Variants in LYPLAL1 observed in about 807,000 individuals in gnomAD.
LYPLAL1 encodes the protein lysophospholipase like 1, also known as lysophospholipase-like protein 1.
LYPLAL1 carries 23 observed loss-of-function variants against 19.7 expected under a neutral mutation model. The ratio of observed to expected loss-of-function variants is 1.17; its 90% CI spans 0.84 to 1.65. The LOEUF is 1.65. Ranked by LOEUF, LYPLAL1 falls within the 40% of genes most tolerant of loss-of-function variation. The pLI is 0.00. For synonymous variants in LYPLAL1, 119 were observed against 96.3 expected (o/e 1.24, Z -1.38); for missense variants, 355 against 279.4 (o/e 1.27, Z -1.93).
At position 219,210,299 on chromosome 1, in the gene LYPLAL1, T is replaced by A. The variant is rs150022861; in HGVS notation, c.362-233T>A. The A allele has an allele frequency of 1.5e-4, 39 of 264,138 alleles. 1 individual carries two copies. Among genetic ancestry groups the A allele is most frequent in the Middle Eastern group, 1.1e-3 (1 of 904 alleles). The allele number at this position is 264,138 out of a possible 1,614,324, so 16.4% of individuals were successfully genotyped here. A position where few individuals can be genotyped will look rare whatever the true frequency, so the allele number is the denominator to read the frequency against. On this transcript the variant is annotated intron_variant, in intron 3 of 4. Transcript: ENST00000366928. ...TACTTGGTGAACATGATATATTTGT[T>A]TAATCCTGGCTCCTTGTAGAGCACA...
At chr1:219,387,616 G>A in the LYPLAL1 span, among the ~76,000 whole-genome samples, 2 of 152,180 alleles carry the variant, frequency 1.3e-5, no homozygotes, top group East Asian at 3.9e-4. Flanking sequence ...TAACTCTCCT[G>A]AGGTCAAATT....
the LYPLAL1 span, among the ~76,000 whole-genome samples, chr1:219,235,458 GGAA>G: frequency 2.0e-5 from 3 of 152,140 alleles, no homozygotes; most frequent in African/African-American, 7.2e-5. Context: ...GGATCAATGT[GGAA>G]GAATAGGCTG....
the LYPLAL1 span, among the ~76,000 whole-genome samples, chr1:219,394,116 A>T: frequency 6.6e-6 from 1 of 152,146 alleles, no homozygotes; most frequent in East Asian, 1.9e-4. Flanking sequence ...TACTAGATAT[A>T]AGATAAGCAA....
the LYPLAL1 span, among the ~76,000 whole-genome samples, chr1:219,407,103 C>T: frequency 6.6e-6 from 1 of 152,172 alleles, no homozygotes; most frequent in Admixed American, 6.5e-5. Context: ...TGTCTGTTCC[C>T]TTTCATCAGC....
At chr1:219,197,631 A>G (rs909220901) in intron 3 of LYPLAL1, among the ~76,000 whole-genome samples, 2 of 152,194 alleles carry the variant, frequency 1.3e-5, no homozygotes, top group Admixed American at 6.5e-5. Context: ...GACAGATGGT[A>G]TCTAATAAAC....
chr1:219,416,287 T>C, the LYPLAL1 span, among the ~76,000 whole-genome samples: 7 of 152,222 alleles, frequency 4.6e-5, no homozygotes, highest in Non-Finnish European at 7.3e-5. Flanking sequence ...TTCTCAGACC[T>C]TCCTTGTTTC....
At chr1:219,384,951 T>C in the LYPLAL1 span, among the ~76,000 whole-genome samples, 1 of 152,178 alleles carries the variant, frequency 6.6e-6, no homozygotes, top group South Asian at 2.1e-4. Flanking sequence ...CCACATACTT[T>C]TGGTTGTACA....
chr1:219,244,976 C>T, the LYPLAL1 span, among the ~76,000 whole-genome samples: 1 of 148,834 alleles, frequency 6.7e-6, no homozygotes, highest in African/African-American at 2.5e-5. Flanking sequence ...TTCCTTCCTT[C>T]TTTCCTTTTT....
At chr1:219,392,155 C>T in the LYPLAL1 span, among the ~76,000 whole-genome samples, 5 of 152,236 alleles carry the variant, frequency 3.3e-5, no homozygotes, top group East Asian at 9.7e-4. Context: ...TGAGTAGGTT[C>T]CTCTCAGGTC....
At chr1:219,370,058 T>G in the LYPLAL1 span, among the ~76,000 whole-genome samples, 1 of 152,202 alleles carries the variant, frequency 6.6e-6, no homozygotes, top group East Asian at 1.9e-4. Flanking sequence ...TGAGCCACAC[T>G]CAGAGGGGCA....
At chr1:219,178,570 T>G (rs1360578696) in intron 1 of LYPLAL1, among the ~76,000 whole-genome samples, 1 of 152,230 alleles carries the variant, frequency 6.6e-6, no homozygotes, top group Non-Finnish European at 1.5e-5. Context: ...AATATTTATA[T>G]GGCTTTTTAT....
At chr1:219,340,295 G>A in the LYPLAL1 span, among the ~76,000 whole-genome samples, 4 of 152,012 alleles carry the variant, frequency 2.6e-5, no homozygotes, top group African/African-American at 9.7e-5. Context: ...ATAGAAGCAG[G>A]TCACTTTAAT....
the LYPLAL1 span, among the ~76,000 whole-genome samples, chr1:219,352,280 C>T: frequency 1.6e-4 from 24 of 152,308 alleles, no homozygotes; most frequent in Admixed American, 1.6e-3. Context: ...CCTGTAATCC[C>T]AGCACTTTGG....
the LYPLAL1 span, among the ~76,000 whole-genome samples, chr1:219,261,302 T>A: frequency 6.6e-6 from 1 of 152,166 alleles, no homozygotes; most frequent in Non-Finnish European, 1.5e-5. Context: ...TGTGTATGAT[T>A]CTTCACCACC....
rs374574095 is a variant in LYPLAL1, at chr1:219,184,367, C to G, written c.191+5121C>G. Among the ~76,000 whole-genome samples the G allele has an allele frequency of 1.1e-3, 161 of 151,828 alleles. 6 individuals are homozygous for G. In the South Asian group the frequency reaches 0.033, roughly 31 times the overall value. ...AATAAATTTTAGTTTTTTATTATGTCCTTGTATCCTTCTATCTTTCTAAAT... is the reference window on the plus strand; with the variant it reads ...AATAAATTTTAGTTTTTTATTATGTGCTTGTATCCTTCTATCTTTCTAAAT... On this transcript the variant is annotated intron_variant, in intron 2 of 4. Transcript: ENST00000366928.
chr1:219,247,931 A>G, the LYPLAL1 span, among the ~76,000 whole-genome samples: 1 of 152,196 alleles, frequency 6.6e-6, no homozygotes, highest in Non-Finnish European at 1.5e-5. Flanking sequence ...CTATGAAAAC[A>G]TGAAATCAAC....
chr1:219,340,310 C>T, the LYPLAL1 span, among the ~76,000 whole-genome samples: 2 of 152,000 alleles, frequency 1.3e-5, no homozygotes, highest in Admixed American at 1.3e-4. Flanking sequence ...TTTAATATTA[C>T]AGGTGCCACA....
the LYPLAL1 span, among the ~76,000 whole-genome samples, chr1:219,378,132 G>T: frequency 4.6e-5 from 7 of 152,210 alleles, no homozygotes; most frequent in Non-Finnish European, 1.5e-5. Context: ...CTCAAGAAAA[G>T]TGTTAGCTGG....
At chr1:219,234,637 A>G in the LYPLAL1 span, among the ~76,000 whole-genome samples, 2 of 152,322 alleles carry the variant, frequency 1.3e-5, no homozygotes, top group East Asian at 1.9e-4. Context: ...ATAATTGCCC[A>G]TCACTCCAAA....
Sources: gnomAD v4.1 joint callset for allele counts (sites outside exome capture counted in the v4.1 genomes callset) on GRCh38, gnomAD v4.1.1 for gene constraint, MANE v1.5 for transcripts, NCBI Gene and HGNC (gene_info 2026-07-23, HGNC 2026-07-21) for gene names.